A2ML1: variants seen among roughly 807,000 people sequenced by gnomAD.
The protein encoded by A2ML1 is alpha-2-macroglobulin like 1.
Under a neutral mutation model 181.9 loss-of-function variants are expected in A2ML1, and 161 were observed. The observed-to-expected ratio is 0.89, with a 90% confidence interval of 0.78 to 1.01. The LOEUF (loss-of-function observed/expected upper bound fraction) is 1.01. A2ML1 is among the 50% of genes least tolerant of loss of function. A2ML1 has a pLI of 0.00. For missense variants in A2ML1, 1,670 were observed against 1,768.1 expected (o/e 0.94, Z 1.00); for synonymous variants, 663 against 666.8 (o/e 0.99, Z 0.09).
At chr12:8,828,193 G>T (rs1246638992) in intron 3 of A2ML1, among the ~76,000 whole-genome samples, 1 of 152,218 alleles carries the variant, frequency 6.6e-6, no homozygotes, top group Non-Finnish European at 1.5e-5. Flanking sequence ...CCTTCAGGGT[G>T]GTGAGTTCCC....
chr12:8,846,339 T>C (rs920688430), intron 14 of A2ML1, 117 bp downstream of exon 14: 57 of 1,153,100 alleles, frequency 4.9e-5, no homozygotes, highest in Non-Finnish European at 6.4e-5. Flanking sequence ...ACGTTGGATG[T>C]TGTATTATAT....
At chr12:8,848,690 G>C in intron 15 of A2ML1, 30 bp from the exon 16 acceptor site, 1 of 1,556,638 alleles carries the variant, frequency 6.4e-7, no homozygotes, top group Non-Finnish European at 8.7e-7. Flanking sequence ...CTATATCAAT[G>C]CTTTATTTCC....
At chr12:8,862,760 C>T (rs1268384581) in intron 28 of A2ML1, among the ~76,000 whole-genome samples, 2 of 151,650 alleles carry the variant, frequency 1.3e-5, no homozygotes, top group Non-Finnish European at 2.9e-5. Context: ...CCTGTTCCAC[C>T]GTGTATTGGT....
At chr12:8,844,774 C>T (rs1013809884) in intron 12 of A2ML1, among the ~76,000 whole-genome samples, 4 of 151,816 alleles carry the variant, frequency 2.6e-5, no homozygotes, top group Non-Finnish European at 4.4e-5. Flanking sequence ...AGTGATAAAG[C>T]GGGCTCTGTC....
intron 3 of A2ML1, among the ~76,000 whole-genome samples, chr12:8,828,165 G>C (rs1450451323): frequency 3.9e-5 from 6 of 152,188 alleles, no homozygotes; most frequent in African/African-American, 1.4e-4. Flanking sequence ...GACAAAGCCA[G>C]CCAGGCTTGT....
downstream of A2ML1, among the ~76,000 whole-genome samples, chr12:8,881,501 A>G (rs1944869706): frequency 6.6e-6 from 1 of 152,172 alleles, no homozygotes; most frequent in Admixed American, 6.5e-5. Context: ...CCTTCTCCTG[A>G]TATGGGAGAG....
chr12:8,834,238 G>A (rs910747826), intron 4 of A2ML1, among the ~76,000 whole-genome samples: 11 of 152,258 alleles, frequency 7.2e-5, no homozygotes, highest in South Asian at 4.1e-4. Context: ...TAAGCTTCCT[G>A]CCCACAAGCA....
At chr12:8,837,313 C>G in intron 7 of A2ML1, 127 bp from the exon 8 acceptor site, 1 of 1,308,482 alleles carries the variant, frequency 7.6e-7, no homozygotes, top group African/African-American at 1.5e-5. Context: ...AGCCACTGCA[C>G]TGGCCCAGAT....
Position 8,867,835 on chromosome 12 carries a change from C to G in A2ML1, c.3718-7C>G. 1 of 1,613,182 alleles carries G rather than the reference C, an allele frequency of 6.2e-7. No individual in the cohort carries two copies. Among genetic ancestry groups the G allele is most frequent in the Non-Finnish European group, 8.5e-7 (1 of 1,179,124 alleles). Reference sequence around the variant, plus strand: ...ATGGTAAGTATACGTTTGGTTGTTTCCCTCAGGATACTGTAGTTGCTCTCC... The same window carrying G: ...ATGGTAAGTATACGTTTGGTTGTTTGCCTCAGGATACTGTAGTTGCTCTCC... On this transcript the variant is annotated splice_region_variant and splice_polypyrimidine_tract_variant and intron_variant, in intron 29 of 35. Coordinates refer to ENST00000299698, the MANE Select transcript of A2ML1 (RefSeq NM_144670.6).
chr12:8,852,243 C>T lies in A2ML1; in HGVS notation c.2497C>T (p.Gln833Ter), dbSNP rs1278607296. The T allele has an allele frequency of 6.2e-7, 1 of 1,614,134 alleles. No homozygotes were observed. The highest frequency in any genetic ancestry group is 8.5e-7 in the Non-Finnish European group (1 of 1,180,034). The stretch of plus-strand genomic sequence containing the variant: ...TGACCTGGCTAAATCGCATGAGTAC[C>T]AGCTAGAATCATGGGCAGATTCTCA... Reference protein sequence around the residue: ...QTDLAKSHEYQLESWADSQTS... With the variant: ...QTDLAKSHEY Residue 833 changes from glutamine to a stop codon, truncating the protein, a stop_gained, in exon 20 of 36, where the codon CAG (glutamine) becomes TAG (stop). Transcript: ENST00000299698. LOFTEE classifies it high-confidence loss of function. This position sits in a 1 kb window ranked among gnomAD's most constrained non-coding sequence, Gnocchi z 4.2.
chr12:8,830,899 C>G (rs1366060085), intron 4 of A2ML1: 1 of 151,636 alleles, frequency 6.6e-6, no homozygotes, highest in Non-Finnish European at 1.5e-5. Flanking sequence ...TTCCCATCAC[C>G]TATGGCTTTT....
chr12:8,831,950 A>G (rs1293318915), intron 4 of A2ML1, among the ~76,000 whole-genome samples: 1 of 152,000 alleles, frequency 6.6e-6, no homozygotes, highest in Middle Eastern at 3.2e-3. Flanking sequence ...GGGTTTCTTC[A>G]TGTTGGTCAG....
downstream of A2ML1, among the ~76,000 whole-genome samples, chr12:8,877,348 T>TA (rs1188937760): frequency 6.6e-6 from 1 of 152,124 alleles, no homozygotes; most frequent in Non-Finnish European, 1.5e-5. Flanking sequence ...GGGACCTACT[T>TA]AAACTAAAGA....
chr12:8,857,754 T>C (rs1944119490), intron 25 of A2ML1, 166 bp downstream of exon 25: 1 of 1,098,966 alleles, frequency 9.1e-7, no homozygotes, highest in Non-Finnish European at 1.3e-6. Flanking sequence ...AGTCCCTCGA[T>C]CTTCCTGAGC....
At chr12:8,866,839 T>G (rs1041629988) in intron 29 of A2ML1, among the ~76,000 whole-genome samples, 6 of 144,462 alleles carry the variant, frequency 4.2e-5, no homozygotes, top group South Asian at 2.1e-4. Flanking sequence ...AGAAATCGGG[T>G]TTTTTTTTGT....
chr12:8,874,933 G>C (rs761337693), intron 34 of A2ML1, 38 bp from the exon 35 acceptor site: 1 of 1,607,024 alleles, frequency 6.2e-7, no homozygotes. Context: ...AATATAGGAG[G>C]CCCTCAAAGT....
At chr12:8,845,014 G>T in intron 12 of A2ML1, 1 of 1,418,388 alleles carries the variant, frequency 7.1e-7, no homozygotes, top group Non-Finnish European at 9.2e-7. Context: ...AATGTCAGAA[G>T]GGCTCAGGGT....
At chr12:8,842,250 C>T (rs1007854552) in intron 11 of A2ML1, among the ~76,000 whole-genome samples, 2 of 150,772 alleles carry the variant, frequency 1.3e-5, no homozygotes, top group Admixed American at 1.3e-4. Context: ...CAGAGTCTCA[C>T]TCTGTCACCC....
chr12:8,867,959 C>T lies in A2ML1; in HGVS notation c.3835C>T (p.Gln1279Ter). 6.2e-7 allele frequency: 1 copy of T among 1,614,236 alleles called. No individual in the cohort carries two copies. The highest frequency in any genetic ancestry group is 1.1e-5 in the South Asian group (1 of 91,086). Residue 1279 changes from glutamine (Q) to a stop codon, truncating the protein, a stop_gained, in exon 30 of 36, where the codon CAG becomes TAG. Transcript: ENST00000299698. LOFTEE classifies it high-confidence loss of function. ...TENFQRTFNI[Q>*]SVNRLVFQQD... ...GAATTTCCAGCGCACATTCAACATACAGTCAGTTAACAGATTGGTATTTCA... is the reference window on the plus strand; with the variant it reads ...GAATTTCCAGCGCACATTCAACATATAGTCAGTTAACAGATTGGTATTTCA...
Sources: gnomAD v4.1 joint callset for allele counts (sites outside exome capture counted in the v4.1 genomes callset) on GRCh38, gnomAD v4.1.1 for gene constraint, Gnocchi (gnomAD v3.1) non-coding constraint, MANE v1.5 for transcripts, NCBI Gene and HGNC (gene_info 2026-07-23, HGNC 2026-07-21) for gene names.